The following DDX28 variants were observed in gnomAD, a reference collection of about 807,000 sequenced individuals.
The protein encoded by DDX28 is DEAD-box helicase 28.
A neutral mutation model predicts 26.8 loss-of-function variants in DDX28; 25 were observed. The observed-to-expected ratio is 0.93, with a 90% CI of 0.68 to 1.30. The LOEUF is 1.30. DDX28 is among the 50% of genes most tolerant of loss of function. The probability of loss-of-function intolerance (pLI) is 0.00; values close to 1 mark genes in which losing one functional copy is unlikely to be tolerated. For missense variants in DDX28, 790 were observed against 695.1 expected (o/e 1.14, Z -1.53); for synonymous variants, 370 against 311.9 (o/e 1.19, Z -1.96).
rs749301896 is a variant in DDX28 at position 68,021,708 on chromosome 16, C to T, written c.1495G>A (p.Val499Ile). Residue 499 changes from valine (V) to isoleucine (I), a missense_variant, in exon 1 of 1, where the codon GTC (valine) becomes ATC (isoleucine). Transcript: ENST00000332395. ...CAGGGATGGGTCACAAAACTGATGA[C>T]GGTGCCTGGCACCTCGCTCCCCACA... Reference protein sequence around the residue: ...GRVGSEVPGTVISFVTHPWDV... With the variant: ...GRVGSEVPGTIISFVTHPWDV... 9 of 1,614,176 alleles carry T rather than the reference C, an allele frequency of 5.6e-6. No homozygotes were observed. Among genetic ancestry groups the T allele is most frequent in the African/African-American group, 1.3e-5 (1 of 75,046 alleles).
At position 68,021,038 on chromosome 16, in the gene DDX28, C is replaced by T. The variant is rs768258836; in HGVS notation, c.*542G>A. On this transcript the variant is annotated 3_prime_UTR_variant, in exon 1 of 1. Transcript: ENST00000332395. The stretch of plus-strand genomic sequence containing the variant: ...CTGTGTTCGTCTACCCTTTACTTTT[C>T]TGCCAGTACCTTCCAGAGATTTCGC... Among the ~76,000 whole-genome samples, 33 of 151,696 alleles carry T rather than the reference C, an allele frequency of 2.2e-4. No individual in the cohort carries two copies. Among genetic ancestry groups the T allele is most frequent in the Non-Finnish European group, 4.3e-4 (29 of 67,958 alleles).
In DDX28 at chr16:68,021,971, T is replaced by C. The variant is rs970621809; in HGVS notation, c.1232A>G (p.Asn411Ser). The stretch of plus-strand genomic sequence containing the variant: ...GTCATCCAGAATATATCCCAGCCAG[T>C]TCACAGTGCTGGAGCTATTACAGAA... ...LVFCNSSSTVNWLGYILDDHK... is the reference protein window; with the variant it reads ...LVFCNSSSTVSWLGYILDDHK... The change falls in exon 1 of 1, where the codon AAC becomes AGC. Residue 411 changes from asparagine to serine, a missense_variant. Physicochemically the swap from Asn to Ser is conservative, Grantham distance 46. Transcript: ENST00000332395. 5 of 1,614,056 alleles carry C rather than the reference T, an allele frequency of 3.1e-6. No individual in the cohort carries two copies. In the African/African-American group the frequency reaches 4.0e-5, roughly 13 times the overall value.
In DDX28 at chr16:68,021,697, A is replaced by T; in HGVS notation, c.1506T>A (p.Phe502Leu). The T allele has an allele frequency of 1.2e-6, 2 of 1,614,230 alleles. No homozygotes were observed. The highest frequency in any genetic ancestry group is 8.5e-7 in the Non-Finnish European group (1 of 1,180,042). ...GSEVPGTVIS[F>L]VTHPWDVSLV... ...GGCTCACATCCCAGGGATGGGTCAC[A>T]AAACTGATGACGGTGCCTGGCACCT... Residue 502 changes from phenylalanine to leucine, a missense_variant, in exon 1 of 1, where the codon TTT (phenylalanine) becomes TTA (leucine). By Grantham distance (22) the Phe-to-Leu change is conservative. Transcript: ENST00000332395.
chr16:68,021,280 C>T lies in DDX28; in HGVS notation c.*300G>A, dbSNP rs774897752. On this transcript the variant is annotated 3_prime_UTR_variant, in exon 1 of 1. Transcript: ENST00000332395. Reference sequence around the variant, plus strand: ...ATCCTCAGAAACTACTGAATTCCGCCCCGGTGCTAATTATTCTTAGGGGAG... The same window carrying T: ...ATCCTCAGAAACTACTGAATTCCGCTCCGGTGCTAATTATTCTTAGGGGAG... 1.6e-5 allele frequency: 6 copies of T among 370,734 alleles called. No individual in the cohort carries two copies. Among genetic ancestry groups the T allele is most frequent in the Non-Finnish European group, 2.5e-5 (5 of 202,542 alleles). The allele number at this position is 370,734 out of a possible 1,614,324, so 23.0% of individuals were successfully genotyped here. A position where few individuals can be genotyped will look rare whatever the true frequency, so the allele number is the denominator to read the frequency against.
At position 68,022,786 on chromosome 16, in the gene DDX28, G is replaced by T. The variant is rs764836984; in HGVS notation, c.417C>A (p.His139Gln). The T allele has an allele frequency of 1.2e-6, 2 of 1,601,520 alleles. No individual in the cohort carries two copies. The highest frequency in any genetic ancestry group is 4.5e-5 in the East Asian group (2 of 44,644). Residue 139 changes from histidine to glutamine, a missense_variant, in exon 1 of 1, where the codon CAC (histidine) becomes CAA (glutamine). Physicochemically the swap from His to Gln is conservative, Grantham distance 24. Coordinates refer to ENST00000332395, the MANE Select transcript of DDX28 (RefSeq NM_018380.4). ...CTTCAGGCGCAGCCTCCTGTAGTGC[G>T]TGCAGCACACGGGGCTCCAGGCCCA... ...ADLGLEPRVL[H>Q]ALQEAAPEVV...
At position 68,021,776 on chromosome 16, in the gene DDX28, G is replaced by C; in HGVS notation, c.1427C>G (p.Pro476Arg). 6.2e-7 allele frequency: 1 copy of C among 1,614,110 alleles called. No individual in the cohort carries two copies. Among genetic ancestry groups the C allele is most frequent in the South Asian group, 1.1e-5 (1 of 91,078 alleles). ...TCTGTGGATGTAATCTTGCAGCGTT[G>C]GGGGGAAATCATAATTGACAACCAG... ...VELVVNYDFP[P>R]TLQDYIHRAG... The change falls in exon 1 of 1, where the codon CCA (proline) becomes CGA (arginine). Residue 476 changes from proline to arginine, a missense_variant. By Grantham distance (103) the Pro-to-Arg change is moderately radical (BLOSUM62 -2). Coordinates refer to ENST00000332395, the MANE Select transcript of DDX28 (RefSeq NM_018380.4).
At position 68,022,858 on chromosome 16, in the gene DDX28, C is replaced by A; in HGVS notation, c.345G>T (p.Glu115Asp). The A allele has an allele frequency of 6.3e-7, 1 of 1,575,416 alleles. No individual in the cohort carries two copies. Among genetic ancestry groups the A allele is most frequent in the Non-Finnish European group, 8.6e-7 (1 of 1,160,706 alleles). The change falls in exon 1 of 1, where the codon GAG (glutamate) becomes GAT (aspartate). Residue 115 changes from glutamate to aspartate, a missense_variant. Transcript: ENST00000332395. Reference protein sequence around the residue: ...DHFSIERAQQEAPAVRKLSSK... With the variant: ...DHFSIERAQQDAPAVRKLSSK... Reference sequence around the variant, plus strand: ...ACGAGAGCTTTCGCACCGCTGGCGCCTCCTGTTGCGCGCGCTCGATGGAGA... The same window carrying A: ...ACGAGAGCTTTCGCACCGCTGGCGCATCCTGTTGCGCGCGCTCGATGGAGA...
Position 68,021,653 on chromosome 16 carries a change from A to G in DDX28, c.1550T>C (p.Leu517Pro), listed in dbSNP as rs752194778. 1.4e-5 allele frequency: 23 copies of G among 1,614,074 alleles called. No homozygotes were observed. The highest frequency in any genetic ancestry group is 1.6e-5 in the Non-Finnish European group (19 of 1,180,012). ...WDVSLVQKIE[L>P]AARRRRSLPG... ...AAGACTTCTCCTTCGGCGAGCCGCC[A>G]GCTCAATCTTCTGAACCAGGCTCAC... Residue 517 changes from leucine (L) to proline (P), a missense_variant, in exon 1 of 1, where the codon CTG (leucine) becomes CCG (proline). By Grantham distance (98) the Leu-to-Pro change is moderately conservative. Coordinates refer to ENST00000332395, the MANE Select transcript of DDX28 (RefSeq NM_018380.4).
rs745609429 is a variant in DDX28 at position 68,022,912 on chromosome 16, C to G, written c.291G>C (p.Trp97Cys). Residue 97 changes from tryptophan (W) to cysteine (C), a missense_variant, in exon 1 of 1, where the codon TGG becomes TGC. Transcript: ENST00000332395. The stretch of plus-strand genomic sequence containing the variant: ...GGTCCCGACGCGCGCGTCGACTCTT[C>G]CAGCCTTGAGAGGCTAGCGGCGCGC... ...WERAPLASQGWKSRRARRDHF... is the reference protein window; with the variant it reads ...WERAPLASQGCKSRRARRDHF... 1.3e-6 allele frequency: 2 copies of G among 1,561,106 alleles called. No individual in the cohort carries two copies. The highest frequency in any genetic ancestry group is 2.7e-5 in the African/African-American group (2 of 73,618).
Position 68,022,402 on chromosome 16 carries a change from CCA to C in DDX28, c.799_800del (p.Trp267GlufsTer20), listed in dbSNP as rs751082943. The C allele has an allele frequency of 1.9e-6, 3 of 1,614,116 alleles. No individual in the cohort carries two copies. Among genetic ancestry groups the C allele is most frequent in the South Asian group, 2.2e-5 (2 of 91,090 alleles). The part of the protein sequence containing the change: ...DVLVATPGAL[W>X]KALKSRLISL... ...TGATCAGTCGACTTTTCAGGGCCTTCCACAGAGCCCCTGGAGTGGCCACAAGC... is the reference window on the plus strand; with the variant it reads ...TGATCAGTCGACTTTTCAGGGCCTTCCAGAGCCCCTGGAGTGGCCACAAGC... On this transcript the variant is annotated frameshift_variant, in exon 1 of 1. Coordinates refer to ENST00000332395, the MANE Select transcript of DDX28 (RefSeq NM_018380.4). LOFTEE classifies it high-confidence loss of function.
In DDX28 at chr16:68,022,314, G is replaced by A. The variant is rs778919410; in HGVS notation, c.889C>T (p.Leu297=). The A allele has an allele frequency of 2.5e-6, 4 of 1,614,198 alleles. No homozygotes were observed. Among genetic ancestry groups the A allele is most frequent in the Non-Finnish European group, 1.7e-6 (2 of 1,180,024 alleles). Residue 297 remains leucine, a synonymous_variant, in exon 1 of 1, where the codon CTG becomes TTG. Coordinates refer to ENST00000332395, the MANE Select transcript of DDX28 (RefSeq NM_018380.4). ...EADTLLDESF[L]ELVDYILEKS... is the part of the protein sequence containing the mutation. Reference sequence around the variant, plus strand: ...TCTAAGATGTAGTCCACCAGTTCCAGGAAGCTTTCATCCAGCAGTGTGTCT... The same window carrying A: ...TCTAAGATGTAGTCCACCAGTTCCAAGAAGCTTTCATCCAGCAGTGTGTCT...
In DDX28 at chr16:68,022,050, G is replaced by A. The variant is rs745797177; in HGVS notation, c.1153C>T (p.Leu385Phe). 3.1e-6 allele frequency: 5 copies of A among 1,614,212 alleles called. No individual in the cohort carries two copies. In the South Asian group the frequency reaches 5.5e-5, roughly 18 times the overall value. ...ADKVAELVHI[L>F]KHRDRAERTG... ...CTTTCTGCTCTGTCACGATGCTTGAGGATGTGCACCAGCTCGGCCACCTTA... is the reference window on the plus strand; with the variant it reads ...CTTTCTGCTCTGTCACGATGCTTGAAGATGTGCACCAGCTCGGCCACCTTA... Residue 385 changes from leucine to phenylalanine, a missense_variant, in exon 1 of 1, where the codon CTC becomes TTC. Leu to Phe is a conservative substitution (Grantham distance 22). Transcript: ENST00000332395.
chr16:68,022,727 A>T lies in DDX28; in HGVS notation c.476T>A (p.Ile159Asn). 1 of 1,613,178 alleles carries T rather than the reference A, an allele frequency of 6.2e-7. No homozygotes were observed. Among genetic ancestry groups the T allele is most frequent in the Non-Finnish European group, 8.5e-7 (1 of 1,180,016 alleles). ...ATGGCGGCCGCGAAGTAGTGAGGGG[A>T]TGGTGCTAGACTGCACGGTTGTGGG... Reference protein sequence around the residue: ...VQPTTVQSSTIPSLLRGRHVV... With the variant: ...VQPTTVQSSTNPSLLRGRHVV... The change falls in exon 1 of 1, where the codon ATC becomes AAC. Residue 159 changes from isoleucine to asparagine, a missense_variant. By Grantham distance (149) the Ile-to-Asn change is moderately radical. Coordinates refer to ENST00000332395, the MANE Select transcript of DDX28 (RefSeq NM_018380.4).
rs781293191 is a variant in DDX28, at chr16:68,022,908, T to C, written c.295A>G (p.Ser99Gly). 1.2e-5 allele frequency: 18 copies of C among 1,557,208 alleles called. No homozygotes were observed. In the African/African-American group the frequency reaches 2.3e-4, roughly 20 times the overall value. Residue 99 changes from serine (S) to glycine (G), a missense_variant, in exon 1 of 1, where the codon AGT becomes GGT. By Grantham distance (56) the Ser-to-Gly change is moderately conservative. Coordinates refer to ENST00000332395, the MANE Select transcript of DDX28 (RefSeq NM_018380.4). ...AAGTGGTCCCGACGCGCGCGTCGAC[T>C]CTTCCAGCCTTGAGAGGCTAGCGGC... is the stretch of plus-strand genomic sequence containing the variant. ...RAPLASQGWK[S>G]RRARRDHFSI... is the part of the protein sequence containing the mutation.
Position 68,021,538 on chromosome 16 carries a change from G to T in DDX28, c.*42C>A. On this transcript the variant is annotated 3_prime_UTR_variant, in exon 1 of 1. Coordinates refer to ENST00000332395, the MANE Select transcript of DDX28 (RefSeq NM_018380.4). ...GTCACCCACTCAAGATACTGGGAAA[G>T]ATCCCTGTTCTAGCATCACATTTTA... 2 of 1,578,228 alleles carry T rather than the reference G, an allele frequency of 1.3e-6. No individual in the cohort carries two copies. The highest frequency in any genetic ancestry group is 1.7e-6 in the Non-Finnish European group (2 of 1,160,150).
Position 68,021,923 on chromosome 16 carries a change from A to C in DDX28, c.1280T>G (p.Leu427Trp), listed in dbSNP as rs772073182. ...LDDHKIQHLR[L>W]QGQMPALMRV... ...CATCAAGGCTGGCATTTGCCCCTGC[A>C]ACCTTAGGTGTTGGATTTTGTGGTC... Residue 427 changes from leucine (L) to tryptophan (W), a missense_variant, in exon 1 of 1, where the codon TTG (leucine) becomes TGG (tryptophan). By Grantham distance (61) the Leu-to-Trp change is moderately conservative. Coordinates refer to ENST00000332395, the MANE Select transcript of DDX28 (RefSeq NM_018380.4). 6 of 1,614,164 alleles carry C rather than the reference A, an allele frequency of 3.7e-6. No individual in the cohort carries two copies. The South Asian group carries it at 6.6e-5, about 18-fold the overall frequency.
At position 68,023,067 on chromosome 16, in the gene DDX28, A is replaced by C. The variant is rs758521504; in HGVS notation, c.136T>G (p.Leu46Val). Residue 46 changes from leucine (L) to valine (V), a missense_variant, in exon 1 of 1, where the codon TTG becomes GTG. Physicochemically the swap from Leu to Val is conservative, Grantham distance 32. Transcript: ENST00000332395. ...VRIPVALQRQ[L>V]EQRQSRRRNL... ...CGCCGCCTGCTCTGCCGCTGTTCCA[A>C]CTGCCGCTGTAGAGCCACTGGGATG... 6 of 1,599,836 alleles carry C rather than the reference A, an allele frequency of 3.8e-6. No homozygotes were observed. In the South Asian group the frequency reaches 5.5e-5, roughly 15 times the overall value.
In DDX28 at chr16:68,021,541, C is replaced by A. The variant is rs148667764; in HGVS notation, c.*39G>T. ...ACCCACTCAAGATACTGGGAAAGATCCCTGTTCTAGCATCACATTTTAATC... is the reference window on the plus strand; with the variant it reads ...ACCCACTCAAGATACTGGGAAAGATACCTGTTCTAGCATCACATTTTAATC... On this transcript the variant is annotated 3_prime_UTR_variant, in exon 1 of 1. Coordinates refer to ENST00000332395, the MANE Select transcript of DDX28 (RefSeq NM_018380.4). 2 of 1,581,976 alleles carry A rather than the reference C, an allele frequency of 1.3e-6. No homozygotes were observed. The highest frequency in any genetic ancestry group is 2.7e-5 in the African/African-American group (2 of 74,442).
chr16:68,022,914 A>T lies in DDX28; in HGVS notation c.289T>A (p.Trp97Arg). The change falls in exon 1 of 1, where the codon TGG (tryptophan) becomes AGG (arginine). Residue 97 changes from tryptophan to arginine, a missense_variant. Coordinates refer to ENST00000332395, the MANE Select transcript of DDX28 (RefSeq NM_018380.4). ...TCCCGACGCGCGCGTCGACTCTTCC[A>T]GCCTTGAGAGGCTAGCGGCGCGCGC... ...WERAPLASQGWKSRRARRDHF... is the reference protein window; with the variant it reads ...WERAPLASQGRKSRRARRDHF... 1 of 1,559,360 alleles carries T rather than the reference A, an allele frequency of 6.4e-7. No homozygotes were observed. Among genetic ancestry groups the T allele is most frequent in the East Asian group, 2.3e-5 (1 of 42,554 alleles).
Sources: allele counts gnomAD v4.1 joint callset (sites outside exome capture counted in the v4.1 genomes callset), GRCh38; gene constraint gnomAD v4.1.1; transcripts MANE v1.5; gene names NCBI Gene and HGNC (gene_info 2026-07-23, HGNC 2026-07-21).